SDR16C5: variants seen among roughly 807,000 people sequenced by gnomAD.
The protein encoded by SDR16C5 is epidermal retinol dehydrogenase 2.
SDR16C5 carries 20 observed loss-of-function variants against 27.7 expected under a neutral mutation model. That is an observed-to-expected ratio of 0.72 (90% CI 0.51 to 1.05). The LOEUF (loss-of-function observed/expected upper bound fraction) is 1.05, where lower values mean the gene tolerates loss of function less well. Among genes scored for constraint, SDR16C5 ranks in the 50% least tolerant of loss-of-function variants. The probability of loss-of-function intolerance (pLI) is 0.00; values close to 1 mark genes in which losing one functional copy is unlikely to be tolerated. For missense variants in SDR16C5, 374 were observed against 366.3 expected, an observed-to-expected ratio of 1.02 and a Z score of -0.17; for synonymous variants, 139 against 132.3, an observed-to-expected ratio of 1.05 and a Z score of -0.35.
At chr8:56,311,896 T>A (rs1401935860) in intron 3 of SDR16C5, among the ~76,000 whole-genome samples, 1 of 152,190 alleles carries the variant, frequency 6.6e-6, no homozygotes, top group African/African-American at 2.4e-5. Flanking sequence ...CCTGGAGTAT[T>A]TCCTAACATT....
intron 6 of SDR16C5, among the ~76,000 whole-genome samples, 176 bp from the exon 7 acceptor site, chr8:56,301,749 G>A (rs1814761398): frequency 6.6e-6 from 1 of 152,120 alleles, no homozygotes; most frequent in Non-Finnish European, 1.5e-5. Flanking sequence ...ACTATATCCG[G>A]GGACACTCGC....
intron 3 of SDR16C5, chr8:56,309,701 G>T: frequency 2.2e-6 from 1 of 445,138 alleles, no homozygotes; most frequent in Non-Finnish European, 3.0e-6. Context: ...CTCTTACAAA[G>T]GCCAAACCTC....
chr8:56,319,868 T>TCAGC (rs1301613830), intron 1 of SDR16C5, among the ~76,000 whole-genome samples, 191 bp downstream of exon 1: 1 of 152,116 alleles, frequency 6.6e-6, no homozygotes, highest in East Asian at 1.9e-4. Flanking sequence ...TCTGGGACGC[T>TCAGC]CAGCCGTGCG....
In SDR16C5 at chr8:56,305,679, C is replaced by T; in HGVS notation, c.754G>A (p.Glu252Lys). 2 of 1,601,260 alleles carry T rather than the reference C, an allele frequency of 1.2e-6. No homozygotes were observed. The highest frequency in any genetic ancestry group is 1.1e-5 in the South Asian group (1 of 87,098). ...LPILEPKYAVEKIVEAILQEK... is the reference protein window; with the variant it reads ...LPILEPKYAVKKIVEAILQEK... ...TGTAGAATAGCTTCTACTATTTTTTCAACTGCATATTTTGGTTCCAGAATT... is the reference window on the plus strand; with the variant it reads ...TGTAGAATAGCTTCTACTATTTTTTTAACTGCATATTTTGGTTCCAGAATT... Residue 252 changes from glutamate to lysine, a missense_variant, in exon 6 of 7, where the codon GAA (glutamate) becomes AAA (lysine). Coordinates refer to ENST00000303749, the MANE Select transcript of SDR16C5 (RefSeq NM_138969.4).
At chr8:56,314,565 C>T (rs1011167999) in intron 2 of SDR16C5, among the ~76,000 whole-genome samples, 1 of 152,176 alleles carries the variant, frequency 6.6e-6, no homozygotes, top group Non-Finnish European at 1.5e-5. Flanking sequence ...AGTCAACATG[C>T]CAGGTGATCA....
At chr8:56,306,560 T>C in intron 5 of SDR16C5, 116 bp downstream of exon 5, 2 of 968,840 alleles carry the variant, frequency 2.1e-6, no homozygotes, top group Non-Finnish European at 2.9e-6. Flanking sequence ...AAACCATTTA[T>C]AAATCATACT....
intron 6 of SDR16C5, among the ~76,000 whole-genome samples, chr8:56,303,710 A>G (rs1814815529): frequency 6.6e-6 from 1 of 152,246 alleles, no homozygotes; most frequent in African/African-American, 2.4e-5. Context: ...AACATGTCCC[A>G]TAACTAGTAT....
chr8:56,317,070 C>T (rs1192069343), intron 1 of SDR16C5, among the ~76,000 whole-genome samples: 1 of 152,182 alleles, frequency 6.6e-6, no homozygotes, highest in Non-Finnish European at 1.5e-5. Context: ...GACTCCTGCC[C>T]TGCACTGCCT....
rs552632983 is a variant in SDR16C5 at position 56,300,952 on chromosome 8, T to C, written c.*528A>G. 1 of 153,076 alleles carries C rather than the reference T, an allele frequency of 6.5e-6. No homozygotes were observed. Among genetic ancestry groups the C allele is most frequent in the Non-Finnish European group, 1.5e-5 (1 of 68,676 alleles). The allele number at this position is 153,076 out of a possible 1,614,324, so 9.5% of individuals were successfully genotyped here. The stretch of plus-strand genomic sequence containing the variant: ...TTCAGAAGCATTTGTGTAGCTGTTT[T>C]GGAAAGAAGGGCACTGGAGGCGGGC... On this transcript the variant is annotated 3_prime_UTR_variant, in exon 7 of 7. Coordinates refer to ENST00000303749, the MANE Select transcript of SDR16C5 (RefSeq NM_138969.4).
intron 6 of SDR16C5, among the ~76,000 whole-genome samples, chr8:56,302,232 G>T (rs1233642759): frequency 6.6e-6 from 1 of 152,142 alleles, no homozygotes; most frequent in Non-Finnish European, 1.5e-5. Context: ...CTAAGGTGGG[G>T]GTAAAGGAAA....
At chr8:56,302,145 A>C (rs544854765) in intron 6 of SDR16C5, among the ~76,000 whole-genome samples, 1 of 152,286 alleles carries the variant, frequency 6.6e-6, no homozygotes, top group East Asian at 1.9e-4. Context: ...CCAACAGAGC[A>C]CTCTGCTCCA....
rs190261756 is a variant in SDR16C5 at position 56,319,984 on chromosome 8, C to A, written c.-15+75G>T. On this transcript the variant is annotated intron_variant, in intron 1 of 6. Coordinates refer to ENST00000303749, the MANE Select transcript of SDR16C5 (RefSeq NM_138969.4). ...CCCAGCGTGAAACCAGCCCAAAGGG[C>A]GGCCTCGCCCGACCCCCGCCAGCGC... The A allele has an allele frequency of 2.3e-3, 347 of 152,926 alleles. 1 individual carries two copies. The highest frequency in any genetic ancestry group is 8.2e-3 in the African/African-American group (343 of 41,594). The allele number at this position is 152,926 out of a possible 1,614,324, so 9.5% of individuals were successfully genotyped here.
At position 56,309,288 on chromosome 8, in the gene SDR16C5, G is replaced by A. The variant is rs1009716908; in HGVS notation, c.466-261C>T. ...TTTTTGCTCATATTTGACTTTTAACGACACAATATTAAAACAAGAATTGAA... is the reference window on the plus strand; with the variant it reads ...TTTTTGCTCATATTTGACTTTTAACAACACAATATTAAAACAAGAATTGAA... On this transcript the variant is annotated intron_variant, in intron 3 of 6. Transcript: ENST00000303749. The A allele has an allele frequency of 2.3e-5, 23 of 982,464 alleles. No homozygotes were observed. The African/African-American group carries it at 3.5e-4, about 15-fold the overall frequency. 60.9% of individuals were successfully genotyped at this position (982,464 alleles called of 1,614,324 possible).
Position 56,308,957 on chromosome 8 carries a change from G to C in SDR16C5, c.536C>G (p.Ala179Gly). 6.2e-7 allele frequency: 1 copy of C among 1,612,830 alleles called. No individual in the cohort carries two copies. The highest frequency in any genetic ancestry group is 8.5e-7 in the Non-Finnish European group (1 of 1,179,446). Residue 179 changes from alanine (A) to glycine (G), a missense_variant, in exon 4 of 7, where the codon GCT becomes GGT. Transcript: ENST00000303749. The part of the protein sequence containing the change: ...HGHLVCISSS[A>G]GLSGVNGLAD... Reference sequence around the variant, plus strand: ...CAGCCCATTTACTCCACTTAATCCAGCTGAACTTGAAATGCAAACCAAATG... The same window carrying C: ...CAGCCCATTTACTCCACTTAATCCACCTGAACTTGAAATGCAAACCAAATG...
At chr8:56,305,176 A>G (rs1196506390) in intron 6 of SDR16C5, among the ~76,000 whole-genome samples, 1 of 152,186 alleles carries the variant, frequency 6.6e-6, no homozygotes, top group Non-Finnish European at 1.5e-5. Context: ...CCCATACCAC[A>G]AATTTCTATA....
intron 1 of SDR16C5, among the ~76,000 whole-genome samples, chr8:56,317,371 C>T (rs1815227415): frequency 6.6e-6 from 1 of 152,054 alleles, no homozygotes; most frequent in South Asian, 2.1e-4. Flanking sequence ...CTACCAGTTA[C>T]TCACACTTTA....
chr8:56,304,945 T>C (rs1428413715), intron 6 of SDR16C5, among the ~76,000 whole-genome samples: 2 of 152,162 alleles, frequency 1.3e-5, no homozygotes, highest in Non-Finnish European at 2.9e-5. Context: ...TATTTATTCA[T>C]TATTTTTGGA....
At chr8:56,309,247 T>A in intron 3 of SDR16C5, 1 of 905,284 alleles carries the variant, frequency 1.1e-6, no homozygotes, top group Non-Finnish European at 1.3e-6. Context: ...ATTAAAATAA[T>A]TTATTCAGAC....
At chr8:56,304,212 G>C (rs1317329469) in intron 6 of SDR16C5, 1 of 597,992 alleles carries the variant, frequency 1.7e-6, no homozygotes, top group Non-Finnish European at 3.0e-6. Flanking sequence ...GTGGAAGTGA[G>C]GTATAATATC....
Sources: gnomAD v4.1 joint callset for allele counts (sites outside exome capture counted in the v4.1 genomes callset) on GRCh38, gnomAD v4.1.1 for gene constraint, MANE v1.5 for transcripts, NCBI Gene and HGNC (gene_info 2026-07-23, HGNC 2026-07-21) for gene names.